Variants in ARHGEF37 observed in about 807,000 individuals in gnomAD.
ARHGEF37 encodes Rho guanine nucleotide exchange factor (GEF) 37.
A neutral mutation model predicts 71.1 loss-of-function variants in ARHGEF37; 55 were observed. The observed-to-expected ratio is 0.77, with a 90% CI of 0.62 to 0.97. The LOEUF is 0.97. ARHGEF37 is among the 50% of genes least tolerant of loss of function. ARHGEF37 has a pLI of 0.00. For missense variants in ARHGEF37, 765 were observed against 836.8 expected (o/e 0.91, Z 1.06); for synonymous variants, 327 against 350.6 (o/e 0.93, Z 0.75).
At chr5:149,563,325 G>A (rs1157578322) in intron 1 of ARHGEF37, among the ~76,000 whole-genome samples, 1 of 152,164 alleles carries the variant, frequency 6.6e-6, no homozygotes, top group Admixed American at 6.6e-5. Flanking sequence ...AACCTGATCT[G>A]AGCTCCTAAA....
chr5:149,582,362 T>A (rs572000470), intron 1 of ARHGEF37, among the ~76,000 whole-genome samples: 27 of 152,350 alleles, frequency 1.8e-4, no homozygotes, highest in African/African-American at 6.5e-4. Context: ...TCAGAGCACT[T>A]TCTTTGCTCC....
In ARHGEF37 at chr5:149,601,265, G is replaced by C. The variant is rs79642987; in HGVS notation, c.310+34G>C. The stretch of plus-strand genomic sequence containing the variant: ...AAAACCTAAGGAGTTGTCAGCCTTA[G>C]ATTCTCATGGAACTGTTCTCAGCGA... On this transcript the variant is annotated intron_variant, in intron 3 of 12. Coordinates refer to ENST00000333677, the MANE Select transcript of ARHGEF37 (RefSeq NM_001001669.3). 5 of 1,599,590 alleles carry C rather than the reference G, an allele frequency of 3.1e-6. No homozygotes were observed. In the African/African-American group the frequency reaches 5.4e-5, roughly 17 times the overall value.
intron 1 of ARHGEF37, among the ~76,000 whole-genome samples, chr5:149,576,332 T>A (rs1188357182): frequency 6.6e-6 from 1 of 152,220 alleles, no homozygotes; most frequent in Admixed American, 6.5e-5. Context: ...GAAGTCATAC[T>A]TCTGAGGTTT....
At chr5:149,588,567 G>A (rs1399127498) in intron 1 of ARHGEF37, among the ~76,000 whole-genome samples, 1 of 152,152 alleles carries the variant, frequency 6.6e-6, no homozygotes, top group Non-Finnish European at 1.5e-5. Flanking sequence ...CAAAGTGCTG[G>A]GATTATGGGC....
chr5:149,579,689 C>T (rs986583641), upstream of ARHGEF37, among the ~76,000 whole-genome samples: 2 of 151,930 alleles, frequency 1.3e-5, no homozygotes, highest in African/African-American at 4.8e-5. Context: ...TCAAGCAATT[C>T]TTCTGTCTCA....
At chr5:149,575,472 A>G (rs1763015548) in intron 1 of ARHGEF37, among the ~76,000 whole-genome samples, 1 of 152,156 alleles carries the variant, frequency 6.6e-6, no homozygotes, top group Non-Finnish European at 1.5e-5. Flanking sequence ...ATGGGTCTTC[A>G]TCCCTCTAGG....
At chr5:149,622,562 C>T (rs1336701064) in intron 9 of ARHGEF37, among the ~76,000 whole-genome samples, 1 of 152,136 alleles carries the variant, frequency 6.6e-6, no homozygotes, top group African/African-American at 2.4e-5. Flanking sequence ...TATAATTATA[C>T]TCATTTTAAA....
intron 1 of ARHGEF37, among the ~76,000 whole-genome samples, chr5:149,593,765 A>G (rs1763474970): frequency 6.6e-6 from 1 of 152,338 alleles, no homozygotes; most frequent in African/African-American, 2.4e-5. Flanking sequence ...GCTAAGTGGA[A>G]GTGGATCATC....
intron 9 of ARHGEF37, 145 bp from the exon 10 acceptor site, chr5:149,623,867 C>T: frequency 9.0e-7 from 1 of 1,106,266 alleles, no homozygotes; most frequent in Non-Finnish European, 1.2e-6. Context: ...GACGAAAATG[C>T]AAGAGATCCT....
intron 1 of ARHGEF37, among the ~76,000 whole-genome samples, chr5:149,573,499 A>G (rs1762994120): frequency 6.6e-6 from 1 of 152,122 alleles, no homozygotes; most frequent in Non-Finnish European, 1.5e-5. Flanking sequence ...AATTATTTAA[A>G]ATATCCCCTT....
intron 1 of ARHGEF37, among the ~76,000 whole-genome samples, chr5:149,581,930 G>A (rs1414718881): frequency 6.6e-6 from 1 of 152,172 alleles, no homozygotes; most frequent in African/African-American, 2.4e-5. Context: ...CTTCCGTGCA[G>A]GATTTCAGAC....
rs1168153733 is a variant in ARHGEF37 at position 149,557,474 on chromosome 5, G to GTTTA, written c.-12+5354_-12+5355insATTT. 3.3e-3 allele frequency among the ~76,000 whole-genome samples: 483 copies of GTTTA among 145,922 alleles called. 2 individuals carry two copies. Among genetic ancestry groups the GTTTA allele is most frequent in the African/African-American group, 0.012 (420 of 35,734 alleles). Reference sequence around the variant, plus strand: ...ATGGAGTTGCTTTGTTTGTTTGTTTGTTTGTTTATTTATTTATTTATTTGG... The same window carrying GTTTA: ...ATGGAGTTGCTTTGTTTGTTTGTTTGTTTATTTGTTTATTTATTTATTTATTTGG... On this transcript the variant is annotated intron_variant, in intron 1 of 2. Coordinates refer to the ARHGEF37 transcript ENST00000505810.
At chr5:149,611,875 C>T (rs1055433187) in intron 4 of ARHGEF37, among the ~76,000 whole-genome samples, 3 of 152,078 alleles carry the variant, frequency 2.0e-5, no homozygotes, top group African/African-American at 7.2e-5. Flanking sequence ...ATAAATATAT[C>T]TCTTCTACCT....
intron 12 of ARHGEF37, among the ~76,000 whole-genome samples, chr5:149,629,207 G>A (rs529485811): frequency 1.6e-5 from 2 of 127,194 alleles, no homozygotes; most frequent in South Asian, 5.2e-4. Context: ...CATCAGCAGG[G>A]CAAGTGAGAT....
chr5:149,552,942 AAGAG>A (rs1341955913), intron 1 of ARHGEF37, among the ~76,000 whole-genome samples: 2 of 152,174 alleles, frequency 1.3e-5, no homozygotes, highest in Non-Finnish European at 2.9e-5. Flanking sequence ...AAGACAACTG[AAGAG>A]AGAGGGGAGG....
chr5:149,585,823 T>A (rs1763220201), intron 1 of ARHGEF37, among the ~76,000 whole-genome samples: 1 of 152,220 alleles, frequency 6.6e-6, no homozygotes, highest in Non-Finnish European at 1.5e-5. Flanking sequence ...CTGGCCTGTA[T>A]TTTTCATTTT....
At chr5:149,552,401 T>C (rs1467161308) in intron 1 of ARHGEF37, among the ~76,000 whole-genome samples, 1 of 152,140 alleles carries the variant, frequency 6.6e-6, no homozygotes, top group South Asian at 2.1e-4. Context: ...CCACGTTTTG[T>C]TTTACAAAAT....
chr5:149,578,667 A>T (rs985909967), upstream of ARHGEF37, among the ~76,000 whole-genome samples: 2 of 152,236 alleles, frequency 1.3e-5, no homozygotes, highest in Non-Finnish European at 2.9e-5. Flanking sequence ...TAAAATTTAA[A>T]AATGGATCAC....
At chr5:149,569,517 A>C (rs920689764) in intron 1 of ARHGEF37, among the ~76,000 whole-genome samples, 1 of 151,962 alleles carries the variant, frequency 6.6e-6, no homozygotes, top group East Asian at 1.9e-4. Flanking sequence ...ATAGGGTTAC[A>C]TTATTTTGGC....
Sources: allele counts gnomAD v4.1 joint callset (sites outside exome capture counted in the v4.1 genomes callset), GRCh38; gene constraint gnomAD v4.1.1; transcripts MANE v1.5; gene names NCBI Gene and HGNC (gene_info 2026-07-23, HGNC 2026-07-21).